CXCL9: variants seen among roughly 807,000 people sequenced by gnomAD.
CXCL9 encodes C-X-C motif chemokine ligand 9.
CXCL9 carries 8 observed loss-of-function variants against 11.7 expected under a neutral mutation model. The ratio of observed to expected loss-of-function variants is 0.68; its 90% CI spans 0.40 to 1.23. The LOEUF (loss-of-function observed/expected upper bound fraction) is 1.23, where lower values mean the gene tolerates loss of function less well. CXCL9 is among the 50% of genes most tolerant of loss of function. The probability of loss-of-function intolerance (pLI) is 0.01; values close to 1 mark genes in which losing one functional copy is unlikely to be tolerated. For synonymous variants in CXCL9, 43 were observed against 48.2 expected (o/e 0.89, Z 0.45); for missense variants, 133 against 141.7 (o/e 0.94, Z 0.31).
At chr4:76,003,876 A>C (rs1458747508) in intron 3 of CXCL9, among the ~76,000 whole-genome samples, 177 bp from the exon 4 acceptor site, 1 of 152,140 alleles carries the variant, frequency 6.6e-6, no homozygotes, top group Non-Finnish European at 1.5e-5. Context: ...TTTGAGGAGG[A>C]GGCAACAGCC....
intron 2 of CXCL9, chr4:76,005,936 C>A (rs1038193322): frequency 9.1e-6 from 4 of 438,306 alleles, no homozygotes; most frequent in African/African-American, 6.0e-5. Flanking sequence ...ACATTTTGTA[C>A]AATAAACATG....
In CXCL9 at chr4:76,001,783, G is replaced by A. The variant is rs747769252; in HGVS notation, c.*1815C>T. The A allele has an allele frequency of 8.4e-5, 13 of 154,654 alleles. No individual in the cohort carries two copies. Among genetic ancestry groups the A allele is most frequent in the Non-Finnish European group, 1.3e-4 (9 of 69,796 alleles). The allele number at this position is 154,654 out of a possible 1,614,324, so 9.6% of individuals were successfully genotyped here. ...AGGGAGTTTCATGATTAGATAAGAC[G>A]TTCGGGTGGGATCTCCACCGGACAG... is the stretch of plus-strand genomic sequence containing the variant. On this transcript the variant is annotated 3_prime_UTR_variant, in exon 4 of 4. Coordinates refer to ENST00000264888, the MANE Select transcript of CXCL9 (RefSeq NM_002416.3).
chr4:76,005,627 A>C (rs1009881460), intron 2 of CXCL9: 2 of 152,314 alleles, frequency 1.3e-5, no homozygotes, highest in African/African-American at 4.8e-5. Flanking sequence ...CATATGATGA[A>C]ATACAGTTTG....
Position 76,003,592 on chromosome 4 carries a change from G to A in CXCL9, c.*6C>T, listed in dbSNP as rs1309371520. ...AACACAGAATACTTATTGGTGAAGT[G>A]GTCTCTTATGTAGTCTTCTTTTGAC... On this transcript the variant is annotated 3_prime_UTR_variant, in exon 4 of 4. Coordinates refer to ENST00000264888, the MANE Select transcript of CXCL9 (RefSeq NM_002416.3). 6.8e-7 allele frequency: 1 copy of A among 1,480,330 alleles called. No homozygotes were observed. The highest frequency in any genetic ancestry group is 9.4e-7 in the Non-Finnish European group (1 of 1,063,098). The allele number at this position is 1,480,330 out of a possible 1,614,324, so 91.7% of individuals were successfully genotyped here. A position where few individuals can be genotyped will look rare whatever the true frequency, so the allele number is the denominator to read the frequency against.
Position 76,004,902 on chromosome 4 carries a change from GA to G in CXCL9, c.192-10del. The G allele has an allele frequency of 6.5e-7, 1 of 1,535,026 alleles. No homozygotes were observed. Among genetic ancestry groups the G allele is most frequent in the Non-Finnish European group, 8.7e-7 (1 of 1,146,036 alleles). ...CATTCTTCAGTGTAGCACTGCCAAA[GA>G]AATAGCAATGAGATAGTTTTTTCTC... On this transcript the variant is annotated splice_polypyrimidine_tract_variant and intron_variant, in intron 2 of 3. Transcript: ENST00000264888.
At position 76,002,379 on chromosome 4, in the gene CXCL9, A is replaced by G. The variant is rs540515956; in HGVS notation, c.*1219T>C. On this transcript the variant is annotated 3_prime_UTR_variant, in exon 4 of 4. Transcript: ENST00000264888. Reference sequence around the variant, plus strand: ...TGAGCAAACATCCTGTCATAAAAAGACAAGGATGTTGCATCATCCCTGGTC... The same window carrying G: ...TGAGCAAACATCCTGTCATAAAAAGGCAAGGATGTTGCATCATCCCTGGTC... 2.5e-6 allele frequency: 1 copy of G among 398,588 alleles called. No homozygotes were observed. Among genetic ancestry groups the G allele is most frequent in the East Asian group, 3.6e-5 (1 of 28,076 alleles). 24.7% of individuals were successfully genotyped at this position (398,588 alleles called of 1,614,324 possible).
In CXCL9 at chr4:76,004,826, T is replaced by TA; in HGVS notation, c.258dup (p.Lys87Ter). 1.2e-6 allele frequency: 2 copies of TA among 1,604,156 alleles called. No homozygotes were observed. Among genetic ancestry groups the TA allele is most frequent in the Non-Finnish European group, 1.7e-6 (2 of 1,176,564 alleles). Reference sequence around the variant, plus strand: ...TCACCAACCTGTTTCTCCCACTTTTTAATCAGTTCCTTCACATCTGCTGAA... The same window carrying TA: ...TCACCAACCTGTTTCTCCCACTTTTTAAATCAGTTCCTTCACATCTGCTGAA... On this transcript the variant is annotated frameshift_variant, in exon 3 of 4. Coordinates refer to ENST00000264888, the MANE Select transcript of CXCL9 (RefSeq NM_002416.3). LOFTEE classifies it low-confidence loss of function (END_TRUNC).
chr4:76,004,256 A>T (rs1731535272), intron 3 of CXCL9, among the ~76,000 whole-genome samples: 1 of 152,164 alleles, frequency 6.6e-6, no homozygotes, highest in Admixed American at 6.5e-5. Flanking sequence ...GGCTCCCTGA[A>T]CACAGCAGGT....
rs1731503531 is a variant in CXCL9, at chr4:76,002,917, A to G, written c.*681T>C. ...AAGAAAGGCACTGCATTGTGGTAGG[A>G]TGGAGAAGAGCTGACTTGAATGAAG... On this transcript the variant is annotated 3_prime_UTR_variant, in exon 4 of 4. Transcript: ENST00000264888. The G allele has an allele frequency of 6.6e-6, 1 of 152,542 alleles. No homozygotes were observed. Among genetic ancestry groups the G allele is most frequent in the Non-Finnish European group, 1.5e-5 (1 of 68,246 alleles). 9.4% of individuals were successfully genotyped at this position (152,542 alleles called of 1,614,324 possible). A position where few individuals can be genotyped will look rare whatever the true frequency, so the allele number is the denominator to read the frequency against.
intron 3 of CXCL9, among the ~76,000 whole-genome samples, chr4:76,004,281 A>G (rs538191652): frequency 6.6e-5 from 10 of 151,800 alleles, no homozygotes; most frequent in African/African-American, 2.4e-4. Context: ...TCATGATTCT[A>G]CTCTTCTGCT....
chr4:76,003,843 T>C, intron 3 of CXCL9, 144 bp from the exon 4 acceptor site: 1 of 610,216 alleles, frequency 1.6e-6, no homozygotes, highest in South Asian at 2.0e-5. Flanking sequence ...GGGGCTCCCT[T>C]AGATTCTCTC....
chr4:76,006,142 A>C lies in CXCL9; in HGVS notation c.191+6T>G. The C allele has an allele frequency of 1.2e-6, 2 of 1,612,356 alleles. No individual in the cohort carries two copies. The highest frequency in any genetic ancestry group is 1.7e-6 in the Non-Finnish European group (2 of 1,178,626). ...GTGCATGCATGTTAGCTGGGTTGTT[A>C]CTTACATGATTTCAATTTTCTCGCA... On this transcript the variant is annotated splice_donor_region_variant and intron_variant, in intron 2 of 3. Coordinates refer to ENST00000264888, the MANE Select transcript of CXCL9 (RefSeq NM_002416.3).
intron 3 of CXCL9, among the ~76,000 whole-genome samples, 161 bp downstream of exon 3, chr4:76,004,648 C>T (rs1052122213): frequency 1.3e-5 from 2 of 152,102 alleles, no homozygotes; most frequent in Non-Finnish European, 2.9e-5. Flanking sequence ...TATGTAGGAA[C>T]CTAATTTTGT....
Position 76,003,452 on chromosome 4 carries a change from T to C in CXCL9, c.*146A>G. On this transcript the variant is annotated 3_prime_UTR_variant, in exon 4 of 4. Transcript: ENST00000264888. ...GGATTCTTAAAATCAACTTTCTAAC[T>C]TTAGTTACAATTTCAGAGTAATGTT... The C allele has an allele frequency of 1.7e-6, 1 of 578,256 alleles. No homozygotes were observed. Among genetic ancestry groups the C allele is most frequent in the Non-Finnish European group, 3.0e-6 (1 of 328,434 alleles). 35.8% of individuals were successfully genotyped at this position (578,256 alleles called of 1,614,324 possible). A position where few individuals can be genotyped will look rare whatever the true frequency, so the allele number is the denominator to read the frequency against.
In CXCL9 at chr4:76,002,082, G is replaced by A. The variant is rs1006386743; in HGVS notation, c.*1516C>T. ...AATACAAACTCTGAAACAAGTAAAC[G>A]GACAATAAAACTCATATTTGCCTAA... On this transcript the variant is annotated 3_prime_UTR_variant, in exon 4 of 4. Transcript: ENST00000264888. 5.5e-5 allele frequency: 21 copies of A among 382,792 alleles called. No individual in the cohort carries two copies. The highest frequency in any genetic ancestry group is 1.9e-4 in the African/African-American group (9 of 48,052). 23.7% of individuals were successfully genotyped at this position (382,792 alleles called of 1,614,324 possible).
intron 1 of CXCL9, among the ~76,000 whole-genome samples, chr4:76,007,013 A>T (rs1731599014): frequency 6.6e-6 from 1 of 152,232 alleles, no homozygotes; most frequent in Non-Finnish European, 1.5e-5. Context: ...GATAGTTAGT[A>T]AATAGATTAG....
At chr4:76,003,721 G>C (rs775155784) in intron 3 of CXCL9, 22 bp from the exon 4 acceptor site, 2 of 1,361,178 alleles carry the variant, frequency 1.5e-6, no homozygotes, top group South Asian at 1.2e-5. Context: ...AGGGGAAAAA[G>C]GGCAATGTTT....
chr4:76,006,698 T>C (rs1360896305), intron 1 of CXCL9, among the ~76,000 whole-genome samples: 2 of 152,224 alleles, frequency 1.3e-5, no homozygotes, highest in East Asian at 3.8e-4. Context: ...ATTTATTATC[T>C]GACCTTAAGG....
At chr4:76,003,745 T>A in intron 3 of CXCL9, 46 bp from the exon 4 acceptor site, 1 of 1,130,350 alleles carries the variant, frequency 8.8e-7, no homozygotes, top group Non-Finnish European at 1.3e-6. Flanking sequence ...AATCTTACCA[T>A]TTTTACTTCC....
Sources: gnomAD v4.1 joint callset for allele counts (sites outside exome capture counted in the v4.1 genomes callset) on GRCh38, gnomAD v4.1.1 for gene constraint, MANE v1.5 for transcripts, NCBI Gene and HGNC (gene_info 2026-07-23, HGNC 2026-07-21) for gene names.